Variants in ICA1 observed in about 807,000 individuals in gnomAD.
ICA1 encodes 69 kDa islet cell autoantigen.
Under a neutral mutation model 71.0 loss-of-function variants are expected in ICA1, and 40 were observed. That is an observed-to-expected ratio of 0.56 (90% CI 0.44 to 0.73). The LOEUF is 0.73. Among genes scored for constraint, ICA1 ranks in the 30% least tolerant of loss-of-function variants. The pLI is 0.00. For synonymous variants in ICA1, 207 were observed against 209.5 expected (o/e 0.99, Z 0.10); for missense variants, 578 against 576.5 (o/e 1.00, Z -0.03).
chr7:8,199,467 T>G lies in ICA1; in HGVS notation c.579+18838A>C, dbSNP rs565045280. Among the ~76,000 whole-genome samples, 18 of 152,286 alleles carry G rather than the reference T, an allele frequency of 1.2e-4. No individual in the cohort carries two copies. The East Asian group carries it at 3.3e-3, about 28-fold the overall frequency. Reference sequence around the variant, plus strand: ...GGCTCACGCCTGTAACCCCAGCACTTTGGGAGGCCAAGGCGGGCGGATCAC... The same window carrying G: ...GGCTCACGCCTGTAACCCCAGCACTGTGGGAGGCCAAGGCGGGCGGATCAC... On this transcript the variant is annotated intron_variant, in intron 6 of 13. Coordinates refer to ENST00000402384, the MANE Select transcript of ICA1 (RefSeq NM_001136020.3).
chr7:8,114,758 G>A (rs568798543), intron 13 of ICA1: 17 of 152,344 alleles, frequency 1.1e-4, no homozygotes, highest in African/African-American at 3.8e-4. Flanking sequence ...TTTCAAAAGA[G>A]TGCCTCATGC....
intron 3 of ICA1, among the ~76,000 whole-genome samples, chr7:8,231,563 T>G (rs1800279679): frequency 6.6e-6 from 1 of 152,174 alleles, no homozygotes; most frequent in South Asian, 2.1e-4. Context: ...ATTTCATGCA[T>G]TAAGAAAACG....
At chr7:8,220,630 T>C (rs991482214) in intron 5 of ICA1, among the ~76,000 whole-genome samples, 1 of 151,052 alleles carries the variant, frequency 6.6e-6, no homozygotes. Flanking sequence ...ACATCCACCA[T>C]AAAAATGAGT....
intron 1 of ICA1, among the ~76,000 whole-genome samples, chr7:8,244,009 T>G (rs1804961103): frequency 6.6e-6 from 1 of 151,898 alleles, no homozygotes; most frequent in African/African-American, 2.4e-5. Flanking sequence ...AATTTATAGA[T>G]TCAATGCTAT....
chr7:8,148,769 T>C (rs1350572211), intron 8 of ICA1, among the ~76,000 whole-genome samples: 1 of 152,034 alleles, frequency 6.6e-6, no homozygotes, highest in Non-Finnish European at 1.5e-5. Flanking sequence ...AAAAAAACAA[T>C]AACACATATG....
intron 6 of ICA1, among the ~76,000 whole-genome samples, chr7:8,200,338 CAAAAAAAAA>C (rs34371233): frequency 1.5e-5 from 1 of 67,964 alleles, no homozygotes; most frequent in Non-Finnish European, 2.6e-5. Flanking sequence ...CACAGTTGAG[CAAAAAAAAA>C]AAAAAAAAAA....
intron 8 of ICA1, among the ~76,000 whole-genome samples, chr7:8,146,991 G>A (rs1383258446): frequency 2.6e-5 from 4 of 151,706 alleles, no homozygotes; most frequent in Non-Finnish European, 4.4e-5. Context: ...CCAAGGTTCT[G>A]ATGGCTCCCA....
chr7:8,143,813 G>T, intron 9 of ICA1, 62 bp downstream of exon 9: 1 of 1,089,948 alleles, frequency 9.2e-7, no homozygotes, highest in Non-Finnish European at 1.4e-6. Context: ...TTCGGTCAGC[G>T]AGAACCACAT....
chr7:8,235,982 T>C lies in ICA1; in HGVS notation c.-56A>G, dbSNP rs780166410. 2 of 1,562,134 alleles carry C rather than the reference T, an allele frequency of 1.3e-6. No homozygotes were observed. The highest frequency in any genetic ancestry group is 1.4e-5 in the African/African-American group (1 of 73,786). Reference sequence around the variant, plus strand: ...GGGGAGAAGGGGCAGGAAAAAAGCATGAGAGGATAAGTTATATTATAACCT... The same window carrying C: ...GGGGAGAAGGGGCAGGAAAAAAGCACGAGAGGATAAGTTATATTATAACCT... On this transcript the variant is annotated 5_prime_UTR_variant, in exon 2 of 14. The change abolishes an upstream ATG in the 5' untranslated region. Coordinates refer to ENST00000402384, the MANE Select transcript of ICA1 (RefSeq NM_001136020.3).
At chr7:8,242,223 C>T (rs757152346) in intron 1 of ICA1, among the ~76,000 whole-genome samples, 2 of 152,194 alleles carry the variant, frequency 1.3e-5, no homozygotes, top group Non-Finnish European at 2.9e-5. Context: ...GTCTCTCAGA[C>T]CACAGTGCAA....
intron 6 of ICA1, among the ~76,000 whole-genome samples, chr7:8,160,973 C>A (rs891945481): frequency 1.3e-5 from 2 of 152,164 alleles, no homozygotes; most frequent in Non-Finnish European, 2.9e-5. Context: ...CTGTAGATCC[C>A]TGTGTTGGTC....
At chr7:8,192,939 T>G (rs1786198255) in intron 6 of ICA1, among the ~76,000 whole-genome samples, 1 of 152,260 alleles carries the variant, frequency 6.6e-6, no homozygotes, top group African/African-American at 2.4e-5. Flanking sequence ...TTCTTCATTT[T>G]TGGCATGACA....
At chr7:8,146,892 A>G (rs908436650) in intron 8 of ICA1, among the ~76,000 whole-genome samples, 18 of 150,944 alleles carry the variant, frequency 1.2e-4, no homozygotes, top group African/African-American at 3.9e-4. Flanking sequence ...GCACACACAC[A>G]CACACACACA....
At chr7:8,247,648 G>A (rs1047238320) in intron 1 of ICA1, among the ~76,000 whole-genome samples, 7 of 152,166 alleles carry the variant, frequency 4.6e-5, no homozygotes, top group African/African-American at 1.7e-4. Flanking sequence ...TTTTTCCCTA[G>A]CTGCCTTGAA....
chr7:8,247,562 G>T (rs1266131096), intron 1 of ICA1, among the ~76,000 whole-genome samples: 1 of 152,158 alleles, frequency 6.6e-6, no homozygotes, highest in Non-Finnish European at 1.5e-5. Context: ...AACACCCAAA[G>T]GTACACAGAA....
intron 6 of ICA1, among the ~76,000 whole-genome samples, chr7:8,166,396 G>C (rs1225117523): frequency 8.5e-5 from 13 of 152,060 alleles, no homozygotes; most frequent in African/African-American, 2.9e-4. Flanking sequence ...AATGGAGAAA[G>C]GACTCCATAT....
chr7:8,219,726 TG>T (rs1796475796), intron 5 of ICA1, among the ~76,000 whole-genome samples: 2 of 152,242 alleles, frequency 1.3e-5, no homozygotes, highest in Non-Finnish European at 2.9e-5. Flanking sequence ...GCTGTTGCAA[TG>T]ACTACCAAAT....
chr7:8,258,854 T>G (rs957018066), intron 1 of ICA1, among the ~76,000 whole-genome samples: 3 of 152,256 alleles, frequency 2.0e-5, no homozygotes, highest in Non-Finnish European at 4.4e-5. Context: ...TTCTACCATA[T>G]GCATCTATCC....
chr7:8,128,625 C>T (rs994030120), intron 12 of ICA1, among the ~76,000 whole-genome samples: 1 of 110,212 alleles, frequency 9.1e-6, no homozygotes, highest in South Asian at 3.6e-4. Context: ...GCCCAGGGCA[C>T]GACAGTGAAG....
Sources: gnomAD v4.1 joint callset for allele counts (sites outside exome capture counted in the v4.1 genomes callset) on GRCh38, gnomAD v4.1.1 for gene constraint, MANE v1.5 for transcripts, NCBI Gene and HGNC (gene_info 2026-07-23, HGNC 2026-07-21) for gene names.